Variants in ANTXR1 observed in about 807,000 individuals in gnomAD.
ANTXR1 encodes ANTXR cell adhesion molecule 1.
Under a neutral mutation model 78.1 loss-of-function variants are expected in ANTXR1, and 19 were observed. That is an observed-to-expected ratio of 0.24 (90% CI 0.17 to 0.36). The LOEUF is 0.36. Among genes scored for constraint, ANTXR1 ranks in the 10% least tolerant of loss-of-function variants. The pLI, the probability that ANTXR1 is intolerant of heterozygous loss-of-function variation, is 1.00. For synonymous variants in ANTXR1, 273 were observed against 260.5 expected (o/e 1.05, Z -0.46); for missense variants, 518 against 718.6 (o/e 0.72, Z 3.19).
intron 8 of ANTXR1, 70 bp downstream of exon 8, chr2:69,077,558 C>T (rs1299186420): frequency 1.5e-5 from 23 of 1,485,534 alleles, no homozygotes; most frequent in Middle Eastern, 1.7e-4. Context: ...ATTAATACCC[C>T]AATTCCATCT....
chr2:69,188,103 G>C (rs1674466196), intron 16 of ANTXR1, among the ~76,000 whole-genome samples: 1 of 150,316 alleles, frequency 6.7e-6, no homozygotes, highest in Admixed American at 6.6e-5. Flanking sequence ...AGGGTGCTTT[G>C]GGTTTTTTGT....
intron 17 of ANTXR1, among the ~76,000 whole-genome samples, chr2:69,206,473 T>A (rs1220285836): frequency 2.0e-5 from 3 of 152,230 alleles, no homozygotes; most frequent in Non-Finnish European, 4.4e-5. Context: ...TGTGTTTCTA[T>A]GCAACAAAAT....
At chr2:69,135,276 A>G (rs1336355097) in intron 12 of ANTXR1, 2 of 159,452 alleles carry the variant, frequency 1.3e-5, no homozygotes, top group Non-Finnish European at 2.8e-5. Context: ...TAAGTTTGAC[A>G]TTTCCTTGTT....
chr2:69,074,307 T>A (rs1221163830), intron 6 of ANTXR1, among the ~76,000 whole-genome samples: 2 of 152,182 alleles, frequency 1.3e-5, no homozygotes, highest in African/African-American at 4.8e-5. Flanking sequence ...CACTATGTGA[T>A]GGGAATGCAA....
intron 9 of ANTXR1, among the ~76,000 whole-genome samples, chr2:69,093,607 T>G (rs1671307378): frequency 6.6e-6 from 1 of 152,134 alleles, no homozygotes; most frequent in African/African-American, 2.4e-5. Flanking sequence ...AAAAGATAAT[T>G]TTGGAAAAGG....
At chr2:69,219,620 T>C (rs1675268362) in intron 17 of ANTXR1, among the ~76,000 whole-genome samples, 1 of 152,266 alleles carries the variant, frequency 6.6e-6, no homozygotes. Context: ...TCATTTTCTT[T>C]GTGTATCACA....
intron 12 of ANTXR1, chr2:69,145,341 G>T: frequency 6.3e-7 from 1 of 1,598,272 alleles, no homozygotes; most frequent in Non-Finnish European, 8.5e-7. Flanking sequence ...CCACAAAATT[G>T]CATCAGGCCC....
intron 3 of ANTXR1, among the ~76,000 whole-genome samples, chr2:69,069,141 C>G (rs1025532339): frequency 6.6e-6 from 1 of 152,176 alleles, no homozygotes; most frequent in Non-Finnish European, 1.5e-5. Context: ...AGCAGTCTGG[C>G]AAGCCACCCT....
intron 17 of ANTXR1, among the ~76,000 whole-genome samples, chr2:69,219,421 A>ACACACC (rs1305493104): frequency 8.7e-5 from 13 of 150,094 alleles, no homozygotes; most frequent in East Asian, 2.0e-4. Context: ...ACACACACAC[A>ACACACC]CCCTACTGAT....
chr2:69,083,659 C>T (rs1057507151), intron 8 of ANTXR1, among the ~76,000 whole-genome samples: 2 of 152,072 alleles, frequency 1.3e-5, no homozygotes, highest in South Asian at 4.1e-4. Context: ...ATAAAGCAAC[C>T]CAGAGTACCA....
chr2:69,170,160 CACCACCACGGT>C, intron 13 of ANTXR1, 77 bp from the exon 14 acceptor site: 1 of 1,444,020 alleles, frequency 6.9e-7, no homozygotes, highest in Non-Finnish European at 9.7e-7. Flanking sequence ...ATTATGGCAG[CACCACCACGGT>C]ACCTCCTGAC....
intron 17 of ANTXR1, among the ~76,000 whole-genome samples, chr2:69,201,198 G>T (rs1013511671): frequency 2.6e-5 from 4 of 152,172 alleles, no homozygotes; most frequent in African/African-American, 9.7e-5. Flanking sequence ...GCTATACCCA[G>T]GAAAGGCATC....
At position 69,247,755 on chromosome 2, in the gene ANTXR1, C is replaced by T. The variant is rs1006022691; in HGVS notation, c.*2270C>T. The T allele has an allele frequency of 2.6e-5, 4 of 152,472 alleles. No individual in the cohort carries two copies. The highest frequency in any genetic ancestry group is 9.6e-5 in the African/African-American group (4 of 41,458). The allele number at this position is 152,472 out of a possible 1,614,324, so 9.4% of individuals were successfully genotyped here. On this transcript the variant is annotated 3_prime_UTR_variant, in exon 18 of 18. Transcript: ENST00000303714. ...GTCCACCCACCCCATGGCACTGCCG[C>T]GTGATTCCCGCGGCCATTCAGAAGT...
At chr2:69,170,369 TA>T in intron 14 of ANTXR1, 80 bp downstream of exon 14, 1 of 1,521,352 alleles carries the variant, frequency 6.6e-7, no homozygotes, top group Non-Finnish European at 9.1e-7. Context: ...GCTGGACACT[TA>T]GCCCCCTGCA....
At position 69,152,209 on chromosome 2, in the gene ANTXR1, T is replaced by G; in HGVS notation, c.992T>G (p.Phe331Cys). 1.2e-6 allele frequency: 2 copies of G among 1,614,186 alleles called. No individual in the cohort carries two copies. The highest frequency in any genetic ancestry group is 1.7e-6 in the Non-Finnish European group (2 of 1,180,028). Residue 331 changes from phenylalanine to cysteine, a missense_variant, in exon 13 of 18, where the codon TTC becomes TGC. Coordinates refer to ENST00000303714, the MANE Select transcript of ANTXR1 (RefSeq NM_032208.3). Reference sequence around the variant, plus strand: ...CTGGCCATCGCCCTGCTGATCCTGTTCCTGCTCCTAGCCCTGGCTCTCCTC... The same window carrying G: ...CTGGCCATCGCCCTGCTGATCCTGTGCCTGCTCCTAGCCCTGGCTCTCCTC... ...SILAIALLILFLLLALALLWW... is the reference protein window; with the variant it reads ...SILAIALLILCLLLALALLWW...
chr2:69,183,440 T>C (rs1362251362), intron 16 of ANTXR1, among the ~76,000 whole-genome samples: 1 of 152,112 alleles, frequency 6.6e-6, no homozygotes, highest in Non-Finnish European at 1.5e-5. Context: ...TCTCACTCTG[T>C]CACCCAGGCT....
intron 12 of ANTXR1, among the ~76,000 whole-genome samples, chr2:69,135,801 C>T (rs565076158): frequency 3.6e-4 from 54 of 151,936 alleles, no homozygotes; most frequent in Admixed American, 2.2e-3. Flanking sequence ...CTATACAATT[C>T]TCTCAGTAAT....
intron 3 of ANTXR1, among the ~76,000 whole-genome samples, chr2:69,068,348 G>A (rs1241810330): frequency 6.6e-6 from 1 of 152,172 alleles, no homozygotes; most frequent in Non-Finnish European, 1.5e-5. Flanking sequence ...AAAATTGTGG[G>A]GTACCAGGAA....
intron 12 of ANTXR1, chr2:69,145,475 A>T: frequency 4.6e-6 from 7 of 1,519,090 alleles, no homozygotes; most frequent in Non-Finnish European, 6.2e-6. Context: ...TTACTGAATG[A>T]GTGGAGGGCA....
Sources: gnomAD v4.1 joint callset for allele counts (sites outside exome capture counted in the v4.1 genomes callset) on GRCh38, gnomAD v4.1.1 for gene constraint, MANE v1.5 for transcripts, NCBI Gene and HGNC (gene_info 2026-07-23, HGNC 2026-07-21) for gene names.